MGAT5: variants seen among roughly 807,000 people sequenced by gnomAD.
MGAT5 encodes the protein alpha-1,6-mannosylglycoprotein 6-beta-N-acetylglucosaminyltransferase, also known as alpha-1,6-mannosylglycoprotein 6-beta-N-acetylglucosaminyltransferase A.
Under a neutral mutation model 94.3 loss-of-function variants are expected in MGAT5, and 30 were observed. The ratio of observed to expected loss-of-function variants is 0.32; its 90% CI spans 0.24 to 0.43. MGAT5 has a LOEUF of 0.43. Among genes scored for constraint, MGAT5 ranks in the 20% least tolerant of loss-of-function variants. The pLI, the probability that MGAT5 is intolerant of heterozygous loss-of-function variation, is 1.00. For missense variants in MGAT5, 691 were observed against 905.5 expected, an observed-to-expected ratio of 0.76 and a Z score of 3.04; for synonymous variants, 310 against 322.9, an observed-to-expected ratio of 0.96 and a Z score of 0.43.
At chr2:134,159,330 T>G (rs920922796) in intron 1 of MGAT5, among the ~76,000 whole-genome samples, 3 of 152,040 alleles carry the variant, frequency 2.0e-5, no homozygotes, top group African/African-American at 7.2e-5. Context: ...TCTCTTTGCT[T>G]GCAATGTGTC....
intron 4 of MGAT5, among the ~76,000 whole-genome samples, chr2:134,334,191 G>A (rs768307309): frequency 6.6e-6 from 1 of 152,148 alleles, no homozygotes; most frequent in Non-Finnish European, 1.5e-5. Context: ...TAAATGATCA[G>A]TTTCAAAGAG....
intron 10 of MGAT5, among the ~76,000 whole-genome samples, chr2:134,365,997 C>A (rs539106091): frequency 1.3e-5 from 2 of 152,106 alleles, no homozygotes; most frequent in Admixed American, 1.3e-4. Context: ...CCGTCAGACT[C>A]CAGAATCCCA....
At chr2:134,383,918 C>T (rs1418779916) in intron 10 of MGAT5, among the ~76,000 whole-genome samples, 1 of 152,036 alleles carries the variant, frequency 6.6e-6, no homozygotes, top group Non-Finnish European at 1.5e-5. Context: ...CTGACCTCGT[C>T]ACCGCCTGCC....
At chr2:134,345,689 G>A (rs182193153) in intron 8 of MGAT5, among the ~76,000 whole-genome samples, 78 of 152,194 alleles carry the variant, frequency 5.1e-4, no homozygotes, top group African/African-American at 1.9e-3. Context: ...ATTACATAAC[G>A]AAATTTATTA....
intron 10 of MGAT5, among the ~76,000 whole-genome samples, chr2:134,393,464 T>C (rs949824481): frequency 6.6e-6 from 1 of 152,176 alleles, no homozygotes; most frequent in Admixed American, 6.5e-5. Flanking sequence ...AGCAGTGCTG[T>C]TTACCCTGCG....
intron 1 of MGAT5, among the ~76,000 whole-genome samples, chr2:134,240,073 A>T (rs77702024): frequency 6.6e-6 from 1 of 152,204 alleles, no homozygotes; most frequent in African/African-American, 2.4e-5. Context: ...AATTTCTTCC[A>T]AAGTCTTCAT....
intron 14 of MGAT5, among the ~76,000 whole-genome samples, chr2:134,435,705 A>AT (rs1474871070): frequency 2.0e-5 from 3 of 152,196 alleles, no homozygotes; most frequent in Admixed American, 2.0e-4. Context: ...ATTATGATTA[A>AT]TAAACGGAGG....
In MGAT5 at chr2:134,453,430, G is replaced by C. The variant is rs1345884644; in HGVS notation, c.*4583G>C. On this transcript the variant is annotated 3_prime_UTR_variant, in exon 16 of 16. Transcript: ENST00000281923. ...ACTGACGTCTTTCAGAACATTCCAA[G>C]GGTTTTCCTCAAGGAACATTTTTGA... The C allele has an allele frequency of 6.6e-6, 1 of 152,216 alleles. No homozygotes were observed. The highest frequency in any genetic ancestry group is 1.5e-5 in the Non-Finnish European group (1 of 68,036). 9.4% of individuals were successfully genotyped at this position (152,216 alleles called of 1,614,324 possible). A position where few individuals can be genotyped will look rare whatever the true frequency, so the allele number is the denominator to read the frequency against.
intron 2 of MGAT5, among the ~76,000 whole-genome samples, chr2:134,275,790 A>C (rs1199227727): frequency 1.3e-5 from 2 of 151,652 alleles, no homozygotes; most frequent in African/African-American, 4.9e-5. Context: ...GGGTCTTGCT[A>C]TGTTGCCCAG....
intron 1 of MGAT5, among the ~76,000 whole-genome samples, chr2:134,235,684 G>A (rs1218180442): frequency 6.6e-6 from 1 of 151,542 alleles, no homozygotes; most frequent in Non-Finnish European, 1.5e-5. Context: ...CCCAGATCCT[G>A]CTGTACTGCT....
chr2:134,412,144 T>A (rs1683703699), intron 11 of MGAT5, among the ~76,000 whole-genome samples: 1 of 152,144 alleles, frequency 6.6e-6, no homozygotes. Flanking sequence ...TTCCAGCTGC[T>A]GTGGTTGCTC....
intron 2 of MGAT5, among the ~76,000 whole-genome samples, chr2:134,297,873 C>A (rs1432357578): frequency 6.6e-6 from 1 of 151,552 alleles, no homozygotes. Context: ...TTTGTTGTAT[C>A]ATTCTCTGTA....
At chr2:134,258,379 G>T (rs541617304) in intron 1 of MGAT5, among the ~76,000 whole-genome samples, 2 of 152,220 alleles carry the variant, frequency 1.3e-5, no homozygotes, top group Non-Finnish European at 2.9e-5. Flanking sequence ...ATGGTCTAAG[G>T]CAGAGTCAGC....
At chr2:134,290,675 T>C (rs1270476746) in intron 2 of MGAT5, among the ~76,000 whole-genome samples, 1 of 152,204 alleles carries the variant, frequency 6.6e-6, no homozygotes, top group African/African-American at 2.4e-5. Context: ...CCATGCACAG[T>C]TGATTGCTGT....
chr2:134,445,633 A>G (rs1685732364), intron 15 of MGAT5, among the ~76,000 whole-genome samples: 1 of 152,212 alleles, frequency 6.6e-6, no homozygotes, highest in South Asian at 2.1e-4. Context: ...TTATTCTTCA[A>G]GAGCTATAAA....
intron 2 of MGAT5, among the ~76,000 whole-genome samples, chr2:134,286,986 T>C (rs1416454073): frequency 6.6e-6 from 1 of 152,214 alleles, no homozygotes; most frequent in African/African-American, 2.4e-5. Flanking sequence ...CCACATTTCA[T>C]CCTTTTTCTG....
chr2:134,336,520 T>A (rs756113771), intron 5 of MGAT5, among the ~76,000 whole-genome samples: 2 of 152,056 alleles, frequency 1.3e-5, no homozygotes, highest in Non-Finnish European at 2.9e-5. Context: ...CTGATATGAG[T>A]AAGACCTGGT....
chr2:134,442,145 A>G (rs557408), intron 15 of MGAT5, among the ~76,000 whole-genome samples: 122,068 of 152,118 alleles, frequency 0.8, 50,271 homozygotes, highest in East Asian at 1. Context: ...TTTAGAATTT[A>G]AATGGGAGTG....
intron 1 of MGAT5, among the ~76,000 whole-genome samples, chr2:134,242,527 C>G (rs1160177808): frequency 6.6e-6 from 1 of 152,208 alleles, no homozygotes; most frequent in Non-Finnish European, 1.5e-5. Context: ...AAATTAGGAT[C>G]TGATCTGCCC....
Sources: allele counts gnomAD v4.1 joint callset (sites outside exome capture counted in the v4.1 genomes callset), GRCh38; gene constraint gnomAD v4.1.1; transcripts MANE v1.5; gene names NCBI Gene and HGNC (gene_info 2026-07-23, HGNC 2026-07-21).